Variants in HTATIP2 observed in about 807,000 individuals in gnomAD.
HTATIP2 encodes protein HTATIP2.
In HTATIP2, 26 loss-of-function variants were observed where a neutral mutation model predicts 24.7. That is an observed-to-expected ratio of 1.05 (90% CI 0.77 to 1.46). The LOEUF is 1.46. Ranked by LOEUF, HTATIP2 falls within the 40% of genes most tolerant of loss-of-function variation. HTATIP2 has a pLI of 0.00. For missense variants in HTATIP2, 284 were observed against 289.6 expected (o/e 0.98, Z 0.14); for synonymous variants, 99 against 113.2 (o/e 0.87, Z 0.79).
intron 2 of HTATIP2, among the ~76,000 whole-genome samples, chr11:20,375,347 G>A (rs961685295): frequency 2.6e-5 from 4 of 152,168 alleles, no homozygotes; most frequent in South Asian, 2.1e-4. Flanking sequence ...CAAGGTGGGC[G>A]GGTCATCTGA....
chr11:20,383,140 A>G lies in HTATIP2; in HGVS notation c.664A>G (p.Met222Val). Reference protein sequence around the residue: ...NNVVRPRDKQMELLENKAIHD... With the variant: ...NNVVRPRDKQVELLENKAIHD... ...TGTGGTGAGACCAAGAGACAAGCAGATGGAACTGCTGGAGAACAAGGCCAT... is the reference window on the plus strand; with the variant it reads ...TGTGGTGAGACCAAGAGACAAGCAGGTGGAACTGCTGGAGAACAAGGCCAT... Residue 222 changes from methionine to valine, a missense_variant, in exon 5 of 5, where the codon ATG becomes GTG. By Grantham distance (21) the Met-to-Val change is conservative. Coordinates refer to ENST00000451739, the MANE Select transcript of HTATIP2 (RefSeq NM_001098522.2). 1 of 1,614,040 alleles carries G rather than the reference A, an allele frequency of 6.2e-7. No homozygotes were observed. Among genetic ancestry groups the G allele is most frequent in the Non-Finnish European group, 8.5e-7 (1 of 1,180,006 alleles).
chr11:20,375,278 AAAAAAAAAT>A (rs1848428691), intron 2 of HTATIP2, among the ~76,000 whole-genome samples: 1 of 152,148 alleles, frequency 6.6e-6, no homozygotes, highest in Non-Finnish European at 1.5e-5. Flanking sequence ...TTTTAATTAA[AAAAAAAAAT>A]CAGGCCGGGC....
At chr11:20,381,593 G>A (rs774770446) in intron 3 of HTATIP2, among the ~76,000 whole-genome samples, 45 of 152,290 alleles carry the variant, frequency 3.0e-4, no homozygotes, top group Admixed American at 5.9e-4. Flanking sequence ...GTGCATGACC[G>A]TGTGGTAGTT....
At chr11:20,380,671 CAAAAAA>C (rs35392320) in intron 3 of HTATIP2, among the ~76,000 whole-genome samples, 3 of 81,880 alleles carry the variant, frequency 3.7e-5, no homozygotes, top group East Asian at 3.3e-4. Flanking sequence ...GACTCCATCT[CAAAAAA>C]AAAAAAAAAA....
chr11:20,377,369 C>T (rs531394607), intron 3 of HTATIP2, among the ~76,000 whole-genome samples: 1 of 152,292 alleles, frequency 6.6e-6, no homozygotes, highest in East Asian at 1.9e-4. Context: ...AGGTGTGAGC[C>T]ACTGCGTCTG....
chr11:20,380,618 G>T (rs1848504358), intron 3 of HTATIP2, among the ~76,000 whole-genome samples: 2 of 144,214 alleles, frequency 1.4e-5, no homozygotes, highest in South Asian at 4.4e-4. Flanking sequence ...CTTGCAGTGA[G>T]CTGAGATTGC....
chr11:20,368,095 C>T (rs1300991913), intron 2 of HTATIP2, among the ~76,000 whole-genome samples: 1 of 151,514 alleles, frequency 6.6e-6, no homozygotes, highest in African/African-American at 2.4e-5. Context: ...ATAATAAATA[C>T]ATAAATAAAA....
chr11:20,380,489 G>A (rs1176923401), intron 3 of HTATIP2, among the ~76,000 whole-genome samples: 1 of 152,052 alleles, frequency 6.6e-6, no homozygotes, highest in East Asian at 1.9e-4. Flanking sequence ...TGGCTAACAC[G>A]GTGAAACCCC....
chr11:20,376,478 T>G, intron 2 of HTATIP2, 102 bp from the exon 3 acceptor site: 2 of 1,255,970 alleles, frequency 1.6e-6, no homozygotes, highest in Non-Finnish European at 2.3e-6. Context: ...TATTTAGATC[T>G]CCATCCTTCT....
intron 4 of HTATIP2, among the ~76,000 whole-genome samples, chr11:20,382,664 G>A (rs1318949310): frequency 2.0e-5 from 3 of 152,122 alleles, no homozygotes; most frequent in Non-Finnish European, 2.9e-5. Flanking sequence ...CTGGCTGGCA[G>A]ACAGACCACC....
intron 3 of HTATIP2, among the ~76,000 whole-genome samples, chr11:20,379,045 A>G (rs980225114): frequency 7.3e-5 from 7 of 95,560 alleles, no homozygotes; most frequent in African/African-American, 2.7e-4. Flanking sequence ...CAAAAACAAA[A>G]CAAAACAAAA....
At chr11:20,379,871 T>C (rs955188933) in intron 3 of HTATIP2, among the ~76,000 whole-genome samples, 7 of 152,210 alleles carry the variant, frequency 4.6e-5, no homozygotes, top group South Asian at 4.1e-4. Flanking sequence ...GAAGGTTTCA[T>C]AGGACTCAGC....
intron 2 of HTATIP2, 43 bp from the exon 3 acceptor site, chr11:20,376,537 C>T (rs1206478926): frequency 1.2e-6 from 2 of 1,611,612 alleles, no homozygotes; most frequent in Non-Finnish European, 1.7e-6. Context: ...TTAAGATGAA[C>T]TTGCTGCTTT....
chr11:20,374,007 G>T (rs553288258), intron 2 of HTATIP2, among the ~76,000 whole-genome samples: 4 of 152,180 alleles, frequency 2.6e-5, no homozygotes, highest in Non-Finnish European at 5.9e-5. Flanking sequence ...GTGATGACTC[G>T]TGAGTAAAGA....
chr11:20,374,844 T>G (rs1055993241), intron 2 of HTATIP2, among the ~76,000 whole-genome samples: 1 of 152,172 alleles, frequency 6.6e-6, no homozygotes, highest in Non-Finnish European at 1.5e-5. Flanking sequence ...TCAGTTTTTT[T>G]GTTGTTGTTG....
Position 20,364,255 on chromosome 11 carries a change from C to G in HTATIP2, c.18C>G (p.Ala6=), listed in dbSNP as rs2064669113. Residue 6 remains alanine (A), a synonymous_variant, in exon 1 of 5, where the codon GCC becomes GCG. Transcript: ENST00000451739. Reference sequence around the variant, plus strand: ...TCCCCAGCATGGCCGAAACAGAAGCCCTGTCGAAGCTTCGGGAAGACTTCA... The same window carrying G: ...TCCCCAGCATGGCCGAAACAGAAGCGCTGTCGAAGCTTCGGGAAGACTTCA... MAETE[A]LSKLREDFRM... 2 of 1,605,594 alleles carry G rather than the reference C, an allele frequency of 1.2e-6. No individual in the cohort carries two copies. The highest frequency in any genetic ancestry group is 2.2e-5 in the East Asian group (1 of 44,670).
rs574593460 is a variant in HTATIP2, at chr11:20,367,278, G to A, written c.300G>A (p.Gly100=). The change falls in exon 2 of 5, where the codon GGG becomes GGA. Residue 100 remains glycine, a synonymous_variant. Coordinates refer to ENST00000451739, the MANE Select transcript of HTATIP2 (RefSeq NM_001098522.2). ...TGGGTACCACCAGAGGGAAAGCTGG[G>A]GCGGTAAGGAAGGCATATGCTCTTT... is the stretch of plus-strand genomic sequence containing the variant. ...CCLGTTRGKA[G]AEGFVRVDRD... 295 of 1,614,030 alleles carry A rather than the reference G, an allele frequency of 1.8e-4. 2 individuals carry two copies. The South Asian group carries it at 3.1e-3, about 17-fold the overall frequency.
rs761113892 is a variant in HTATIP2 at position 20,376,622 on chromosome 11, G to T, written c.346G>T (p.Ala116Ser). Reference protein sequence around the residue: ...RVDRDYVLKSAELAKAGGCKH... With the variant: ...RVDRDYVLKSSELAKAGGCKH... The stretch of plus-strand genomic sequence containing the variant: ...TGACCGAGATTATGTGCTGAAGTCT[G>T]CAGAGCTGGCAAAAGCTGGAGGGTG... The change falls in exon 3 of 5, where the codon GCA (alanine) becomes TCA (serine). Residue 116 changes from alanine to serine, a missense_variant. By Grantham distance (99) the Ala-to-Ser change is moderately conservative. Transcript: ENST00000451739. The T allele has an allele frequency of 6.2e-7, 1 of 1,614,004 alleles. No homozygotes were observed. Among genetic ancestry groups the T allele is most frequent in the East Asian group, 2.2e-5 (1 of 44,872 alleles).
intron 2 of HTATIP2, among the ~76,000 whole-genome samples, chr11:20,373,073 T>C (rs557504079): frequency 1.3e-5 from 2 of 152,316 alleles, no homozygotes; most frequent in South Asian, 4.1e-4. Flanking sequence ...TCGTTTTGGA[T>C]TAACAGCCAT....
Sources: allele counts gnomAD v4.1 joint callset (sites outside exome capture counted in the v4.1 genomes callset), GRCh38; gene constraint gnomAD v4.1.1; transcripts MANE v1.5; gene names NCBI Gene and HGNC (gene_info 2026-07-23, HGNC 2026-07-21).